Variants in TPCN2 observed in about 807,000 individuals in gnomAD.
The protein encoded by TPCN2 is two pore segment channel 2.
In TPCN2, 92 loss-of-function variants were observed where a neutral mutation model predicts 111.4. That is an observed-to-expected ratio of 0.83 (90% confidence interval 0.70 to 0.98). TPCN2 has a LOEUF of 0.98. Ranked by LOEUF, TPCN2 falls within the 50% of genes least tolerant of loss-of-function variation. TPCN2 has a pLI of 0.00. For missense variants in TPCN2, 995 were observed against 980.1 expected (o/e 1.02, Z -0.20); for synonymous variants, 405 against 414.5 (o/e 0.98, Z 0.28).
intron 17 of TPCN2, among the ~76,000 whole-genome samples, chr11:69,080,624 C>A (rs1055923147): frequency 1.3e-5 from 2 of 152,202 alleles, no homozygotes; most frequent in African/African-American, 4.8e-5. Flanking sequence ...GTGTCATCCA[C>A]CCCACTGCCT....
intron 10 of TPCN2, 120 bp downstream of exon 10, chr11:69,071,540 A>T: frequency 1.2e-6 from 1 of 868,614 alleles, no homozygotes; most frequent in Non-Finnish European, 1.9e-6. Flanking sequence ...ACGGGAGGGC[A>T]GGGTTGCCAC....
intron 5 of TPCN2, among the ~76,000 whole-genome samples, chr11:69,061,246 C>T (rs1241323978): frequency 6.6e-6 from 1 of 152,148 alleles, no homozygotes; most frequent in African/African-American, 2.4e-5. Context: ...GGGGGCTGAG[C>T]CGGCCGGCTG....
At position 69,081,417 on chromosome 11, in the gene TPCN2, G is replaced by T; in HGVS notation, c.1607G>T (p.Gly536Val). ...CTCCCCAGGAGGCCGGAGATGGTGG[G>T]CCTGCTGTCGCTGTGGGACATGACC... Reference protein sequence around the residue: ...PHPGWRPEMVGLLSLWDMTRM... With the variant: ...PHPGWRPEMVVLLSLWDMTRM... The change falls in exon 18 of 25, where the codon GGC becomes GTC. Residue 536 changes from glycine to valine, a missense_variant. Transcript: ENST00000294309. 6.4e-7 allele frequency: 1 copy of T among 1,556,918 alleles called. No individual in the cohort carries two copies. The highest frequency in any genetic ancestry group is 2.4e-5 in the East Asian group (1 of 41,888).
chr11:69,063,439 T>TG (rs1855112933), intron 6 of TPCN2, among the ~76,000 whole-genome samples: 1 of 151,942 alleles, frequency 6.6e-6, no homozygotes, highest in Middle Eastern at 3.4e-3. Flanking sequence ...ACTAGAAGCG[T>TG]GGGGCTCTCT....
intron 7 of TPCN2, among the ~76,000 whole-genome samples, 171 bp from the exon 8 acceptor site, chr11:69,067,332 A>C (rs1855316630): frequency 6.6e-6 from 1 of 152,164 alleles, no homozygotes; most frequent in Non-Finnish European, 1.5e-5. Context: ...TTGCGCCCGG[A>C]GATCCTGAGT....
intron 4 of TPCN2, among the ~76,000 whole-genome samples, chr11:69,057,230 GC>G (rs1854812425): frequency 1.3e-5 from 2 of 152,248 alleles, no homozygotes; most frequent in South Asian, 4.1e-4. Flanking sequence ...GCGGAGACCT[GC>G]CCACTGAGCT....
At chr11:69,056,128 G>A (rs868312749) in intron 4 of TPCN2, among the ~76,000 whole-genome samples, 12 of 152,348 alleles carry the variant, frequency 7.9e-5, no homozygotes, top group Middle Eastern at 3.4e-3. Flanking sequence ...GGTCTCAGGG[G>A]CCCCCACATC....
chr11:69,050,637 C>T (rs1370527701), intron 1 of TPCN2, among the ~76,000 whole-genome samples: 1 of 152,240 alleles, frequency 6.6e-6, no homozygotes, highest in Admixed American at 6.5e-5. Context: ...CTCGGCCTCC[C>T]AAAGTGGTGG....
At chr11:69,072,229 C>CT (rs931642098) in intron 11 of TPCN2, among the ~76,000 whole-genome samples, 1 of 152,160 alleles carries the variant, frequency 6.6e-6, no homozygotes, top group Non-Finnish European at 1.5e-5. Context: ...TCTTCGTGCC[C>CT]CCCGGGGACC....
chr11:69,072,981 G>T lies in TPCN2; in HGVS notation c.1210G>T (p.Asp404Tyr). 6.2e-7 allele frequency: 1 copy of T among 1,613,802 alleles called. No homozygotes were observed. The highest frequency in any genetic ancestry group is 1.1e-5 in the South Asian group (1 of 90,918). ...GTTTCAGAAGCTCTTCAACGAGCTTGACAGAAGTGTGGTTAAAGAGGTAAC... is the reference window on the plus strand; with the variant it reads ...GTTTCAGAAGCTCTTCAACGAGCTTTACAGAAGTGTGGTTAAAGAGGTAAC... ...EEFQKLFNELDRSVVKEHPPR... is the reference protein window; with the variant it reads ...EEFQKLFNELYRSVVKEHPPR... The change falls in exon 13 of 25, where the codon GAC (aspartate) becomes TAC (tyrosine). Residue 404 changes from aspartate (D) to tyrosine (Y), a missense_variant. By Grantham distance (160) the Asp-to-Tyr change is radical (BLOSUM62 -3). Transcript: ENST00000294309.
In TPCN2 at chr11:69,086,526, G is replaced by T. The variant is rs1856284102; in HGVS notation, c.2007G>T (p.Trp669Cys). The T allele has an allele frequency of 1.2e-6, 2 of 1,614,092 alleles. No individual in the cohort carries two copies. The highest frequency in any genetic ancestry group is 2.2e-5 in the East Asian group (1 of 44,878). Residue 669 changes from tryptophan (W) to cysteine (C), a missense_variant, in exon 23 of 25, where the codon TGG becomes TGT. Trp to Cys is a radical substitution (Grantham distance 215). Coordinates refer to ENST00000294309, the MANE Select transcript of TPCN2 (RefSeq NM_139075.4). The stretch of plus-strand genomic sequence containing the variant: ...GGTGGGTCTCTGTCCTCCGCAGGTG[G>T]TCCAAGATCTATTTTGTATTGTGGT... ...LDAYRRYSGP[W>C]SKIYFVLWWL...
chr11:69,052,287 G>A (rs1861260151), intron 1 of TPCN2, among the ~76,000 whole-genome samples: 1 of 152,092 alleles, frequency 6.6e-6, no homozygotes, highest in South Asian at 2.1e-4. Context: ...ATCTGGTAAG[G>A]TGGGGCCTCT....
chr11:69,067,374 T>C, intron 7 of TPCN2, 129 bp from the exon 8 acceptor site: 1 of 823,344 alleles, frequency 1.2e-6, no homozygotes, highest in Middle Eastern at 3.4e-4. Context: ...CTCAGCCTGC[T>C]GGGAGGCCAC....
chr11:69,085,900 T>G lies in TPCN2; in HGVS notation c.1973T>G (p.Phe658Cys). 1 of 1,614,178 alleles carries G rather than the reference T, an allele frequency of 6.2e-7. No homozygotes were observed. ...NLMVVNNWQV[F>C]LDAYRRYSGP... ...ATGGTGGTGAACAACTGGCAGGTGT[T>G]TCTGGATGCATATCGGCGCTACTCA... Residue 658 changes from phenylalanine to cysteine, a missense_variant, in exon 22 of 25, where the codon TTT becomes TGT. Phe to Cys is a radical substitution (Grantham distance 205). Coordinates refer to ENST00000294309, the MANE Select transcript of TPCN2 (RefSeq NM_139075.4).
intron 17 of TPCN2, 142 bp downstream of exon 17, chr11:69,080,025 G>C: frequency 1.4e-6 from 1 of 727,458 alleles, no homozygotes; most frequent in Non-Finnish European, 2.2e-6. Context: ...TGGGTGGGCC[G>C]ATCCCACAGC....
Position 69,054,681 on chromosome 11 carries a change from A to C in TPCN2, c.175-40A>C, listed in dbSNP as rs763017235. On this transcript the variant is annotated intron_variant, in intron 2 of 24. Coordinates refer to ENST00000294309, the MANE Select transcript of TPCN2 (RefSeq NM_139075.4). ...GGGCTCGGGTCACGGCCCACCCTGC[A>C]TGCACCCATGTCATGCCTCATGTGA... The C allele has an allele frequency of 1.6e-5, 25 of 1,600,112 alleles. 1 individual carries two copies. The Middle Eastern group carries it at 8.3e-4, about 53-fold the overall frequency.
Position 69,071,370 on chromosome 11 carries a change from A to G in TPCN2, c.910A>G (p.Met304Val). The G allele has an allele frequency of 6.2e-7, 1 of 1,613,896 alleles. No individual in the cohort carries two copies. The highest frequency in any genetic ancestry group is 8.5e-7 in the Non-Finnish European group (1 of 1,179,930). Residue 304 changes from methionine (M) to valine (V), a missense_variant, in exon 10 of 25, where the codon ATG becomes GTG. Physicochemically the swap from Met to Val is conservative, Grantham distance 21 (BLOSUM62 1). Coordinates refer to ENST00000294309, the MANE Select transcript of TPCN2 (RefSeq NM_139075.4). ...TCCTCTTGAAGGAAGCCTGTTTCTG[A>G]TGAACCTGCTGACAGCCATCATCTA... Reference protein sequence around the residue: ...VFTVIGSLFLMNLLTAIIYSQ... With the variant: ...VFTVIGSLFLVNLLTAIIYSQ...
chr11:69,073,757 C>T (rs1176265278), intron 13 of TPCN2, among the ~76,000 whole-genome samples: 1 of 152,178 alleles, frequency 6.6e-6, no homozygotes, highest in Admixed American at 6.5e-5. Context: ...CCCATGTCCT[C>T]ACCTGAGGCC....
At chr11:69,076,945 TCCTGCTGTGTCCCTCCA>T (rs2134608750) in intron 13 of TPCN2, among the ~76,000 whole-genome samples, 2 of 98,006 alleles carry the variant, frequency 2.0e-5, no homozygotes, top group African/African-American at 9.1e-5. Flanking sequence ...CCACCTGCCC[TCCTGCTGTGTCCCTCCA>T]CCTGCCCTCC....
Sources: allele counts gnomAD v4.1 joint callset (sites outside exome capture counted in the v4.1 genomes callset), GRCh38; gene constraint gnomAD v4.1.1; transcripts MANE v1.5; gene names NCBI Gene and HGNC (gene_info 2026-07-23, HGNC 2026-07-21).